The following FAM184A variants were observed in gnomAD, a reference collection of about 807,000 sequenced individuals.
The protein encoded by FAM184A is family with sequence similarity 184 member A, also known as protein FAM184A.
In FAM184A, 99 loss-of-function variants were observed where a neutral mutation model predicts 143.8. The observed-to-expected ratio is 0.69, with a 90% CI of 0.58 to 0.81. The LOEUF is 0.81. Among genes scored for constraint, FAM184A ranks in the 40% least tolerant of loss-of-function variants. The pLI is 0.00. For synonymous variants in FAM184A, 427 were observed against 446.4 expected (o/e 0.96, Z 0.55); for missense variants, 1,217 against 1,310.5 (o/e 0.93, Z 1.10).
intron 1 of FAM184A, among the ~76,000 whole-genome samples, chr6:119,097,101 C>T (rs1470810839): frequency 6.6e-6 from 1 of 152,144 alleles, no homozygotes; most frequent in Non-Finnish European, 1.5e-5. Context: ...AGAAGGAATA[C>T]TGGGGTCAGA....
intron 1 of FAM184A, among the ~76,000 whole-genome samples, chr6:119,036,066 A>G (rs1438184755): frequency 1.3e-5 from 2 of 152,118 alleles, no homozygotes; most frequent in Non-Finnish European, 2.9e-5. Context: ...TCACTTATCT[A>G]TTTCCTATTA....
chr6:119,060,288 G>A (rs1272744637), intron 1 of FAM184A, among the ~76,000 whole-genome samples: 1 of 152,108 alleles, frequency 6.6e-6, no homozygotes, highest in East Asian at 1.9e-4. Context: ...CTGTTTTCTT[G>A]CTGGCATATA....
At chr6:119,000,262 A>G (rs1784706646) in intron 9 of FAM184A, among the ~76,000 whole-genome samples, 1 of 152,232 alleles carries the variant, frequency 6.6e-6, no homozygotes, top group South Asian at 2.1e-4. Flanking sequence ...AGAAAACTCT[A>G]TATAATCACT....
chr6:119,022,359 C>T (rs1248930990), intron 3 of FAM184A, among the ~76,000 whole-genome samples: 2 of 151,730 alleles, frequency 1.3e-5, no homozygotes, highest in Admixed American at 6.6e-5. Flanking sequence ...ATGCCCAGCC[C>T]GTTTTTCTTT....
At chr6:119,043,429 C>T (rs765373595) in intron 1 of FAM184A, among the ~76,000 whole-genome samples, 4 of 152,238 alleles carry the variant, frequency 2.6e-5, no homozygotes, top group Non-Finnish European at 5.9e-5. Context: ...AGTTTGCCTA[C>T]TCATAGTCTC....
intron 1 of FAM184A, among the ~76,000 whole-genome samples, chr6:119,131,879 G>A (rs1247874354): frequency 6.6e-6 from 1 of 152,206 alleles, no homozygotes; most frequent in Non-Finnish European, 1.5e-5. Flanking sequence ...AGACAGTGGA[G>A]TATTGGAAGA....
chr6:118,992,753 C>T (rs1392845607), intron 9 of FAM184A, among the ~76,000 whole-genome samples: 5 of 151,960 alleles, frequency 3.3e-5, no homozygotes, highest in African/African-American at 1.2e-4. Flanking sequence ...AAAGTAAGAC[C>T]CTGTTGCTAC....
rs200307028 is a variant in FAM184A, at chr6:118,980,295, A to C, written c.2144T>G (p.Leu715Trp). The C allele has an allele frequency of 5.6e-5, 90 of 1,613,996 alleles. No individual in the cohort carries two copies. Among genetic ancestry groups the C allele is most frequent in the Admixed American group, 3.3e-4 (20 of 59,994 alleles). The stretch of plus-strand genomic sequence containing the variant: ...CGTAAACTGGGCTTGCAGTTGTTGC[A>C]AAGAAGTCTGAGACTGGGAAAGCTG... ...EIQLSQSQTS[L>W]QQLQAQFTQE... Residue 715 changes from leucine (L) to tryptophan (W), a missense_variant, in exon 10 of 18, where the codon TTG becomes TGG. Coordinates refer to ENST00000338891, the MANE Select transcript of FAM184A (RefSeq NM_024581.6).
intron 1 of FAM184A, chr6:119,058,041 C>G (rs1375308946): frequency 6.6e-6 from 1 of 151,432 alleles, no homozygotes; most frequent in Non-Finnish European, 1.5e-5. Flanking sequence ...ATGTTTTTCC[C>G]TATTCCCTGA....
Position 118,981,344 on chromosome 6 carries a change from A to G in FAM184A, c.2089-994T>C, listed in dbSNP as rs940644995. Among the ~76,000 whole-genome samples, 6 of 152,358 alleles carry G rather than the reference A, an allele frequency of 3.9e-5. No homozygotes were observed. In the East Asian group the frequency reaches 9.6e-4, roughly 24 times the overall value. ...AGAAGTCTAAATCTAAGAGGAACTT[A>G]GGAGAACCAGATACAAAGTTGTAAA... On this transcript the variant is annotated intron_variant, in intron 9 of 17. Transcript: ENST00000338891.
intron 1 of FAM184A, among the ~76,000 whole-genome samples, chr6:119,086,758 C>T (rs1011124183): frequency 2.6e-5 from 4 of 152,138 alleles, no homozygotes; most frequent in East Asian, 1.9e-4. Flanking sequence ...ATGAAATAAT[C>T]GTATTTTCAT....
intron 1 of FAM184A, among the ~76,000 whole-genome samples, chr6:119,094,715 G>A (rs1020422763): frequency 6.6e-6 from 1 of 150,784 alleles, no homozygotes; most frequent in African/African-American, 2.4e-5. Context: ...AATGACTCCA[G>A]AAAGTAGGAA....
chr6:119,079,398 A>T (rs1184214880), upstream of FAM184A, among the ~76,000 whole-genome samples: 2 of 152,242 alleles, frequency 1.3e-5, no homozygotes, highest in Non-Finnish European at 1.5e-5. Context: ...AATGGTAAAA[A>T]AAACAGAAGA....
At chr6:119,056,524 A>G (rs1786982360) in intron 1 of FAM184A, among the ~76,000 whole-genome samples, 1 of 152,240 alleles carries the variant, frequency 6.6e-6, no homozygotes, top group Non-Finnish European at 1.5e-5. Flanking sequence ...ATTGGGCATC[A>G]AATTTACTGG....
At chr6:119,030,611 G>A (rs1282270033) in intron 1 of FAM184A, among the ~76,000 whole-genome samples, 1 of 151,898 alleles carries the variant, frequency 6.6e-6, no homozygotes, top group African/African-American at 2.4e-5. Context: ...AAAAATTGAT[G>A]TTATGTAACT....
intron 1 of FAM184A, among the ~76,000 whole-genome samples, chr6:119,126,401 C>T (rs945997206): frequency 6.6e-6 from 1 of 152,228 alleles, no homozygotes; most frequent in Non-Finnish European, 1.5e-5. Context: ...CCCTTTGCAG[C>T]AGGTGGGAAC....
chr6:118,995,308 T>C (rs761106436), intron 9 of FAM184A, among the ~76,000 whole-genome samples: 1 of 152,042 alleles, frequency 6.6e-6, no homozygotes, highest in Non-Finnish European at 1.5e-5. Context: ...TTTCAGCTAC[T>C]TGGGAGGCTG....
Position 118,980,322 on chromosome 6 carries a change from A to G in FAM184A, c.2117T>C (p.Ile706Thr), listed in dbSNP as rs375401547. The G allele has an allele frequency of 2.5e-6, 4 of 1,613,918 alleles. No individual in the cohort carries two copies. In the African/African-American group the frequency reaches 5.3e-5, roughly 22 times the overall value. The change falls in exon 10 of 18, where the codon ATA becomes ACA. Residue 706 changes from isoleucine to threonine, a missense_variant. Ile to Thr is a moderately conservative substitution (Grantham distance 89). Transcript: ENST00000338891. ...QISLLKQNLE[I>T]QLSQSQTSLQ... ...AGAAGTCTGAGACTGGGAAAGCTGTATCTCCAGATTCTGTTTCAGCAAGGA... is the reference window on the plus strand; with the variant it reads ...AGAAGTCTGAGACTGGGAAAGCTGTGTCTCCAGATTCTGTTTCAGCAAGGA...
chr6:119,075,329 A>G lies in FAM184A; in HGVS notation c.159+2812T>C, dbSNP rs549394804. 2.2e-4 allele frequency among the ~76,000 whole-genome samples: 34 copies of G among 152,216 alleles called. 1 individual carries two copies. The highest frequency in any genetic ancestry group is 3.7e-4 in the Non-Finnish European group (25 of 68,042). ...GGAGAGAAGCATTTTTAAAATATCC[A>G]TATTTTATTAATACTCATATTGGTA... On this transcript the variant is annotated intron_variant, in intron 1 of 17. Coordinates refer to ENST00000338891, the MANE Select transcript of FAM184A (RefSeq NM_024581.6).
Sources: allele counts gnomAD v4.1 joint callset (sites outside exome capture counted in the v4.1 genomes callset), GRCh38; gene constraint gnomAD v4.1.1; transcripts MANE v1.5; gene names NCBI Gene and HGNC (gene_info 2026-07-23, HGNC 2026-07-21).